PCDH15: variants seen among roughly 807,000 people sequenced by gnomAD.
PCDH15 encodes protocadherin-15.
A neutral mutation model predicts 178.5 loss-of-function variants in PCDH15; 129 were observed. The observed-to-expected ratio is 0.72, with a 90% confidence interval of 0.63 to 0.84. PCDH15 has a LOEUF of 0.84. PCDH15 is among the 40% of genes least tolerant of loss of function. PCDH15 has a pLI of 0.00. For missense variants in PCDH15, 2,230 were observed against 2,099.9 expected, an observed-to-expected ratio of 1.06 and a Z score of -1.21; for synonymous variants, 800 against 732.0, an observed-to-expected ratio of 1.09 and a Z score of -1.50.
chr10:55,251,136 T>C (rs1432084704), intron 1 of PCDH15, among the ~76,000 whole-genome samples: 3 of 152,214 alleles, frequency 2.0e-5, no homozygotes, highest in South Asian at 2.1e-4. Context: ...TATATCGACA[T>C]TGATACAATC....
At chr10:54,283,798 GT>G (rs2058855162) in intron 8 of PCDH15, among the ~76,000 whole-genome samples, 1 of 152,024 alleles carries the variant, frequency 6.6e-6, no homozygotes, top group Admixed American at 6.6e-5. Flanking sequence ...GGATGCACAG[GT>G]TCAGTAAAAA....
chr10:55,370,228 C>G (rs754030668), intron 2 of PCDH15, among the ~76,000 whole-genome samples: 1 of 151,952 alleles, frequency 6.6e-6, no homozygotes, highest in Non-Finnish European at 1.5e-5. Flanking sequence ...AGATGTGAAC[C>G]ATTTACGGGT....
rs553401218 is a variant in PCDH15, at chr10:54,104,698, G to A, written c.1918-14635C>T. 1.9e-3 allele frequency among the ~76,000 whole-genome samples: 292 copies of A among 151,928 alleles called. 2 individuals carry two copies. The highest frequency in any genetic ancestry group is 6.3e-3 in the African/African-American group (259 of 41,422). Reference sequence around the variant, plus strand: ...TAAAAATACAAAAAATTAGCTGGGCGTGGTGGCGGGCGCCTGTAGTCCCAG... The same window carrying A: ...TAAAAATACAAAAAATTAGCTGGGCATGGTGGCGGGCGCCTGTAGTCCCAG... On this transcript the variant is annotated intron_variant, in intron 15 of 37. Coordinates refer to ENST00000644397, the MANE Select transcript of PCDH15 (RefSeq NM_001384140.1).
At chr10:54,624,239 C>A (rs1485024448) in intron 2 of PCDH15, among the ~76,000 whole-genome samples, 1 of 152,084 alleles carries the variant, frequency 6.6e-6, no homozygotes, top group African/African-American at 2.4e-5. Context: ...TTGGCATATA[C>A]CATCTCTCAA....
chr10:54,359,800 C>G (rs1389455738), intron 5 of PCDH15, among the ~76,000 whole-genome samples: 1 of 150,372 alleles, frequency 6.7e-6, no homozygotes, highest in Non-Finnish European at 1.5e-5. Context: ...TGTTTTTAGT[C>G]ATTCCTTTAA....
chr10:54,706,919 G>A (rs1274350456), intron 1 of PCDH15, among the ~76,000 whole-genome samples: 1 of 152,192 alleles, frequency 6.6e-6, no homozygotes, highest in Non-Finnish European at 1.5e-5. Context: ...ATGGCGCCCA[G>A]CCAGAAAGAC....
At chr10:55,555,661 A>G (rs934656917) in intron 2 of PCDH15, among the ~76,000 whole-genome samples, 13 of 152,150 alleles carry the variant, frequency 8.5e-5, no homozygotes, top group African/African-American at 2.9e-4. Context: ...GATGTAGAAA[A>G]TATCCTATCT....
chr10:54,806,398 T>G (rs1309568971), intron 3 of PCDH15, among the ~76,000 whole-genome samples: 1 of 152,066 alleles, frequency 6.6e-6, no homozygotes, highest in Non-Finnish European at 1.5e-5. Flanking sequence ...CTGAGTTCTC[T>G]TCTCAAGGCT....
chr10:54,058,505 C>G (rs531381254), intron 18 of PCDH15, among the ~76,000 whole-genome samples: 20 of 152,160 alleles, frequency 1.3e-4, no homozygotes, highest in African/African-American at 4.8e-4. Flanking sequence ...TGAGAAAGAC[C>G]TGCCCTGATG....
rs371129402 is a variant in PCDH15 at position 55,178,207 on chromosome 10, C to A, written c.-155-11556G>T. On this transcript the variant is annotated intron_variant, in intron 1 of 5. Transcript: ENST00000458638. Reference sequence around the variant, plus strand: ...TGGCATTGATACATTGTGAAGGCCACCAAAAATGGGTGGATGAAACAGCCA... The same window carrying A: ...TGGCATTGATACATTGTGAAGGCCAACAAAAATGGGTGGATGAAACAGCCA... Among the ~76,000 whole-genome samples, 99 of 152,118 alleles carry A rather than the reference C, an allele frequency of 6.5e-4. 1 individual carries two copies. The South Asian group carries it at 0.02, about 31-fold the overall frequency.
chr10:54,118,488 G>A (rs535665324), intron 15 of PCDH15, among the ~76,000 whole-genome samples: 23 of 152,034 alleles, frequency 1.5e-4, no homozygotes, highest in South Asian at 6.2e-4. Context: ...GTGAAACCCC[G>A]TCTCTACTAA....
intron 2 of PCDH15, among the ~76,000 whole-genome samples, chr10:55,443,903 G>A (rs906514424): frequency 6.6e-6 from 1 of 152,090 alleles, no homozygotes; most frequent in Admixed American, 6.6e-5. Flanking sequence ...ATCAATGTCA[G>A]GCTGGATAAA....
chr10:53,899,353 A>C (rs1392975228), intron 26 of PCDH15, among the ~76,000 whole-genome samples: 2 of 152,160 alleles, frequency 1.3e-5, no homozygotes, highest in Non-Finnish European at 2.9e-5. Context: ...CTTATATTGG[A>C]TAATTCACTT....
intron 1 of PCDH15, among the ~76,000 whole-genome samples, chr10:55,238,229 A>T (rs1434892331): frequency 6.9e-6 from 1 of 145,112 alleles, no homozygotes; most frequent in Non-Finnish European, 1.5e-5. Flanking sequence ...GGCTCACTGC[A>T]AGCTCTGCCT....
At chr10:54,234,467 C>A (rs149530694) in intron 9 of PCDH15, among the ~76,000 whole-genome samples, 31 of 152,174 alleles carry the variant, frequency 2.0e-4, no homozygotes, top group Middle Eastern at 6.8e-3. Flanking sequence ...GTGGGAGGAT[C>A]GCTTGAACCC....
At chr10:54,641,827 A>G (rs1156818352) in intron 2 of PCDH15, among the ~76,000 whole-genome samples, 1 of 152,120 alleles carries the variant, frequency 6.6e-6, no homozygotes, top group Non-Finnish European at 1.5e-5. Flanking sequence ...AAATTGAATC[A>G]TGATGTTACT....
At chr10:54,613,831 C>T (rs144040982) in intron 2 of PCDH15, among the ~76,000 whole-genome samples, 16 of 151,742 alleles carry the variant, frequency 1.1e-4, no homozygotes, top group South Asian at 6.3e-4. Flanking sequence ...CCGGCACCCA[C>T]GAGAAAACAA....
At chr10:55,583,909 G>A (rs948221624) in intron 2 of PCDH15, among the ~76,000 whole-genome samples, 1 of 151,894 alleles carries the variant, frequency 6.6e-6, no homozygotes, top group Non-Finnish European at 1.5e-5. Flanking sequence ...ACGGGGTCTT[G>A]CTTTGTCACC....
chr10:55,076,708 TCAGCCTCCCA>T (rs1404636703), intron 2 of PCDH15, among the ~76,000 whole-genome samples: 1 of 150,852 alleles, frequency 6.6e-6, no homozygotes, highest in Non-Finnish European at 1.5e-5. Flanking sequence ...ATCCACTCAC[TCAGCCTCCCA>T]CAGTGCTAGG....
Sources: gnomAD v4.1 joint callset for allele counts (sites outside exome capture counted in the v4.1 genomes callset) on GRCh38, gnomAD v4.1.1 for gene constraint, MANE v1.5 for transcripts, NCBI Gene and HGNC (gene_info 2026-07-23, HGNC 2026-07-21) for gene names.